Variants in ANKIB1 observed in about 807,000 individuals in gnomAD.
ANKIB1 encodes ankyrin repeat and IBR domain-containing protein 1.
A neutral mutation model predicts 122.1 loss-of-function variants in ANKIB1; 43 were observed. That is an observed-to-expected ratio of 0.35 (90% CI 0.28 to 0.45). The LOEUF (loss-of-function observed/expected upper bound fraction) is 0.45. Among genes scored for constraint, ANKIB1 ranks in the 20% least tolerant of loss-of-function variants. The pLI is 1.00. For missense variants in ANKIB1, 992 were observed against 1,329.5 expected (o/e 0.75, Z 3.95); for synonymous variants, 390 against 442.0 (o/e 0.88, Z 1.48).
intron 17 of ANKIB1, among the ~76,000 whole-genome samples, chr7:92,394,873 C>T (rs1436530488): frequency 1.3e-5 from 2 of 152,126 alleles, no homozygotes; most frequent in East Asian, 3.8e-4. Context: ...AGTCCAACTG[C>T]TTATATAAAT....
At chr7:92,264,240 C>A (rs1275554986) in intron 1 of ANKIB1, among the ~76,000 whole-genome samples, 15 of 141,468 alleles carry the variant, frequency 1.1e-4, no homozygotes, top group Admixed American at 4.2e-4. Context: ...AGAGGGAAAA[C>A]CTAAGTTACA....
intron 1 of ANKIB1, among the ~76,000 whole-genome samples, chr7:92,278,696 A>G (rs918699654): frequency 5.9e-5 from 9 of 152,224 alleles, no homozygotes; most frequent in Non-Finnish European, 1.0e-4. Context: ...ATTGGTCAGG[A>G]TGAACTCTGA....
chr7:92,247,887 C>G (rs1801215501), intron 1 of ANKIB1, among the ~76,000 whole-genome samples: 2 of 152,030 alleles, frequency 1.3e-5, no homozygotes, highest in Non-Finnish European at 2.9e-5. Context: ...AATGACTTTT[C>G]CCCCCAACCT....
chr7:92,353,254 A>G (rs1356049200), intron 9 of ANKIB1, among the ~76,000 whole-genome samples: 3 of 152,222 alleles, frequency 2.0e-5, no homozygotes, highest in South Asian at 2.1e-4. Flanking sequence ...TCAGGAATCA[A>G]TGACTGCAGG....
intron 1 of ANKIB1, among the ~76,000 whole-genome samples, chr7:92,281,885 T>C (rs1393463062): frequency 6.6e-6 from 1 of 152,226 alleles, no homozygotes; most frequent in Non-Finnish European, 1.5e-5. Flanking sequence ...CTTGTACTAA[T>C]TTTATATGTA....
At chr7:92,367,457 A>G (rs1333931060) in intron 10 of ANKIB1, among the ~76,000 whole-genome samples, 1 of 152,212 alleles carries the variant, frequency 6.6e-6, no homozygotes, top group Non-Finnish European at 1.5e-5. Flanking sequence ...GTGATTAGGT[A>G]CTATTTTAGC....
At chr7:92,360,197 G>T (rs908287482) in intron 9 of ANKIB1, among the ~76,000 whole-genome samples, 2 of 151,920 alleles carry the variant, frequency 1.3e-5, no homozygotes, top group African/African-American at 4.8e-5. Flanking sequence ...ATCCCAAGCA[G>T]AAACTATAAC....
At chr7:92,310,231 TATCAC>T (rs1309593634) in intron 3 of ANKIB1, among the ~76,000 whole-genome samples, 1 of 152,052 alleles carries the variant, frequency 6.6e-6, no homozygotes, top group Non-Finnish European at 1.5e-5. Context: ...CCTATCAGCA[TATCAC>T]ATCACATAAG....
intron 11 of ANKIB1, among the ~76,000 whole-genome samples, chr7:92,376,177 G>A (rs994636083): frequency 6.6e-6 from 1 of 152,154 alleles, no homozygotes; most frequent in Admixed American, 6.5e-5. Context: ...AATGGTAAAT[G>A]AGCATTGGCT....
chr7:92,356,205 C>A (rs1803810275), intron 9 of ANKIB1, among the ~76,000 whole-genome samples: 1 of 152,188 alleles, frequency 6.6e-6, no homozygotes, highest in African/African-American at 2.4e-5. Flanking sequence ...ACAGACCTCA[C>A]AGGCCAAGGG....
chr7:92,352,775 A>C (rs2131985913), intron 9 of ANKIB1, 133 bp downstream of exon 9: 2 of 938,528 alleles, frequency 2.1e-6, no homozygotes, highest in East Asian at 5.2e-5. Context: ...GAAATGTGTA[A>C]GAAGTAGTAA....
intron 1 of ANKIB1, among the ~76,000 whole-genome samples, chr7:92,257,671 A>G (rs1801475674): frequency 6.6e-6 from 1 of 152,212 alleles, no homozygotes; most frequent in South Asian, 2.1e-4. Context: ...ACATGCCTGT[A>G]ATCCCGGCTA....
At chr7:92,396,710 G>C (rs1448865564) in intron 18 of ANKIB1, among the ~76,000 whole-genome samples, 1 of 152,170 alleles carries the variant, frequency 6.6e-6, no homozygotes, top group Admixed American at 6.5e-5. Context: ...GTGTAACCTA[G>C]TCAGGTCACA....
At chr7:92,376,573 C>T (rs998773049) in intron 11 of ANKIB1, among the ~76,000 whole-genome samples, 3 of 151,872 alleles carry the variant, frequency 2.0e-5, no homozygotes, top group Non-Finnish European at 4.4e-5. Context: ...CTTGGTCCCC[C>T]GAGTAGCTAG....
At chr7:92,358,185 T>G (rs1803864418) in intron 9 of ANKIB1, among the ~76,000 whole-genome samples, 1 of 152,166 alleles carries the variant, frequency 6.6e-6, no homozygotes, top group Non-Finnish European at 1.5e-5. Context: ...GAGGTTACAG[T>G]GAGCAGAGAT....
At chr7:92,323,084 C>T (rs73414041) in intron 4 of ANKIB1, among the ~76,000 whole-genome samples, 4,367 of 152,152 alleles carry the variant, frequency 0.029, 202 homozygotes, top group African/African-American at 0.1. Context: ...ATTATTACTT[C>T]GTAGTCGTCA....
intron 11 of ANKIB1, among the ~76,000 whole-genome samples, chr7:92,376,534 C>T (rs535071095): frequency 6.6e-6 from 1 of 151,516 alleles, no homozygotes; most frequent in Non-Finnish European, 1.5e-5. Context: ...CTGCAACCTC[C>T]GCCTCCCAGG....
At chr7:92,388,331 G>A (rs1046824711) in intron 14 of ANKIB1, among the ~76,000 whole-genome samples, 2 of 152,174 alleles carry the variant, frequency 1.3e-5, no homozygotes, top group Non-Finnish European at 2.9e-5. Context: ...ACAATGTTGG[G>A]AAAAGTGGAT....
intron 11 of ANKIB1, among the ~76,000 whole-genome samples, chr7:92,382,572 A>G (rs1033590867): frequency 1.3e-5 from 2 of 152,254 alleles, no homozygotes; most frequent in African/African-American, 2.4e-5. Flanking sequence ...ATTAGAACTC[A>G]GGATTAAGAA....
Sources: gnomAD v4.1 joint callset for allele counts (sites outside exome capture counted in the v4.1 genomes callset) on GRCh38, gnomAD v4.1.1 for gene constraint, MANE v1.5 for transcripts, NCBI Gene and HGNC (gene_info 2026-07-23, HGNC 2026-07-21) for gene names.